Variants in TRAK1 observed in about 807,000 individuals in gnomAD.
TRAK1 encodes the protein trafficking kinesin-binding protein 1.
TRAK1 carries 33 observed loss-of-function variants against 92.1 expected under a neutral mutation model. The ratio of observed to expected loss-of-function variants is 0.36; its 90% CI spans 0.27 to 0.48. TRAK1 has a LOEUF of 0.48. TRAK1 is among the 20% of genes least tolerant of loss of function. The probability of loss-of-function intolerance (pLI) is 0.99; values close to 1 mark genes in which losing one functional copy is unlikely to be tolerated. For synonymous variants in TRAK1, 521 were observed against 517.3 expected, an observed-to-expected ratio of 1.01 and a Z score of -0.10; for missense variants, 1,123 against 1,257.9, an observed-to-expected ratio of 0.89 and a Z score of 1.62.
rs993855510 is a variant in TRAK1 at position 42,211,639 on chromosome 3, G to A, written c.1963+1654G>A. The A allele has an allele frequency of 1.1e-4, 112 of 985,260 alleles. 1 individual carries two copies. The highest frequency in any genetic ancestry group is 1.2e-4 in the Non-Finnish European group (103 of 829,932). The allele number at this position is 985,260 out of a possible 1,614,324, so 61.0% of individuals were successfully genotyped here. ...AGAAGGTGAGTTCTGGAAGTGCAAA[G>A]AAGCACCATTAAGTGCATCTTCTAG... On this transcript the variant is annotated intron_variant, in intron 14 of 15. Coordinates refer to ENST00000327628, the MANE Select transcript of TRAK1 (RefSeq NM_001042646.3).
chr3:42,062,776 T>C (rs1703503914), intron 1 of TRAK1, among the ~76,000 whole-genome samples: 1 of 152,232 alleles, frequency 6.6e-6, no homozygotes. Flanking sequence ...GTCTTCACTT[T>C]GTTGGAAAAC....
intron 1 of TRAK1, among the ~76,000 whole-genome samples, chr3:42,103,425 T>C (rs1018664677): frequency 6.6e-6 from 1 of 152,164 alleles, no homozygotes; most frequent in Admixed American, 6.5e-5. Flanking sequence ...TCTGCTTGCC[T>C]CAGTCTCCCA....
At chr3:42,090,074 A>T (rs1368800346), upstream of TRAK1, among the ~76,000 whole-genome samples, 1 of 152,216 alleles carries the variant, frequency 6.6e-6, no homozygotes, top group Non-Finnish European at 1.5e-5. Flanking sequence ...CTAAGAATTT[A>T]GTCTAGTTGG....
chr3:42,065,478 G>A (rs1703637637), intron 1 of TRAK1, among the ~76,000 whole-genome samples: 1 of 152,006 alleles, frequency 6.6e-6, no homozygotes, highest in Non-Finnish European at 1.5e-5. Flanking sequence ...GGATTTTGGA[G>A]CATTTTGGGT....
At chr3:42,101,785 A>G (rs1013384691) in intron 1 of TRAK1, among the ~76,000 whole-genome samples, 2 of 152,168 alleles carry the variant, frequency 1.3e-5, no homozygotes, top group Non-Finnish European at 2.9e-5. Flanking sequence ...ACCTTCAAGG[A>G]ATGACCTCTG....
At chr3:42,169,241 T>G (rs1240415108) in intron 2 of TRAK1, among the ~76,000 whole-genome samples, 3 of 152,080 alleles carry the variant, frequency 2.0e-5, no homozygotes, top group African/African-American at 7.2e-5. Flanking sequence ...TTTCGTGTGT[T>G]TTTTTTTCTG....
intron 1 of TRAK1, among the ~76,000 whole-genome samples, chr3:42,050,813 G>A (rs1454919126): frequency 1.3e-5 from 2 of 151,808 alleles, no homozygotes; most frequent in African/African-American, 2.4e-5. Flanking sequence ...CTGTGCCACC[G>A]CGCCCAGCTA....
intron 1 of TRAK1, among the ~76,000 whole-genome samples, chr3:42,042,123 C>T (rs900380924): frequency 3.3e-5 from 5 of 151,990 alleles, no homozygotes; most frequent in Non-Finnish European, 5.9e-5. Flanking sequence ...GACGGGGTTT[C>T]GCCATGTTGG....
At chr3:42,093,269 G>A (rs1423047244) in intron 1 of TRAK1, among the ~76,000 whole-genome samples, 1 of 151,580 alleles carries the variant, frequency 6.6e-6, no homozygotes, top group East Asian at 1.9e-4. Flanking sequence ...TGTTTTTGCA[G>A]ATGGAATGCA....
At chr3:42,172,071 T>C (rs537570601) in intron 2 of TRAK1, among the ~76,000 whole-genome samples, 2 of 152,268 alleles carry the variant, frequency 1.3e-5, no homozygotes, top group Admixed American at 6.5e-5. Flanking sequence ...TCGTAATTCC[T>C]TACTTTACTT....
chr3:42,120,921 C>G (rs1369082112), intron 1 of TRAK1, among the ~76,000 whole-genome samples: 1 of 152,190 alleles, frequency 6.6e-6, no homozygotes, highest in African/African-American at 2.4e-5. Flanking sequence ...TTTTACATGC[C>G]TACCACAAGT....
intron 1 of TRAK1, among the ~76,000 whole-genome samples, chr3:42,059,730 G>A (rs539549790): frequency 6.6e-6 from 1 of 152,336 alleles, no homozygotes; most frequent in South Asian, 2.1e-4. Context: ...TCTACAGAGA[G>A]ACAGCTAGCT....
rs777735141 is a variant in TRAK1 at position 42,184,691 on chromosome 3, C to T, written c.370C>T (p.Arg124Trp). The change falls in exon 4 of 16, where the codon CGG becomes TGG. Residue 124 changes from arginine (R) to tryptophan (W), a missense_variant. Physicochemically the swap from Arg to Trp is moderately radical, Grantham distance 101. Around this residue, in one of 3 missense-constraint regions of TRAK1, gnomAD observed 686 missense variants for 747.6 expected, o/e 0.92. Coordinates refer to ENST00000327628, the MANE Select transcript of TRAK1 (RefSeq NM_001042646.3). ...AVTRLLEEKE[R>W]DLELAARIGQ... ...TCCCTCTTTCCTTTTGTAGAAAGAG[C>T]GGGATTTAGAATTGGCCGCTCGCAT... 10 of 1,613,544 alleles carry T rather than the reference C, an allele frequency of 6.2e-6. No individual in the cohort carries two copies. The highest frequency in any genetic ancestry group is 4.5e-5 in the East Asian group (2 of 44,892).
intron 1 of TRAK1, among the ~76,000 whole-genome samples, chr3:42,015,441 G>A (rs1701481348): frequency 6.6e-6 from 1 of 152,070 alleles, no homozygotes; most frequent in African/African-American, 2.4e-5. Flanking sequence ...CTCTGGCTGT[G>A]TTGCTTCTCC....
At chr3:42,160,433 AACCCACAGGCAGCATGACACCCAGG>A (rs1418530567) in intron 2 of TRAK1, 2 of 1,614,238 alleles carry the variant, frequency 1.2e-6, no homozygotes, top group Admixed American at 1.7e-5. Context: ...AGAGGAAGCC[AACCCACAGGCAGCATGACACCCAGG>A]ACCTCTTGGA....
chr3:42,158,385 G>C (rs541772519), intron 2 of TRAK1, among the ~76,000 whole-genome samples: 1 of 151,976 alleles, frequency 6.6e-6, no homozygotes, highest in African/African-American at 2.4e-5. Context: ...CCTTCTCAGG[G>C]GTTCAGAATA....
At chr3:42,186,748 C>A (rs1704913735) in intron 4 of TRAK1, among the ~76,000 whole-genome samples, 1 of 152,138 alleles carries the variant, frequency 6.6e-6, no homozygotes, top group African/African-American at 2.4e-5. Flanking sequence ...GTGGAAATGC[C>A]TTTTTTCCCC....
At chr3:42,088,362 G>A (rs1430337071), upstream of TRAK1, among the ~76,000 whole-genome samples, 3 of 152,084 alleles carry the variant, frequency 2.0e-5, no homozygotes, top group East Asian at 5.8e-4. Flanking sequence ...CTCCCTTTTT[G>A]TTAAGTGGCC....
intron 2 of TRAK1, among the ~76,000 whole-genome samples, chr3:42,153,380 G>C (rs1179294747): frequency 6.6e-6 from 1 of 152,142 alleles, no homozygotes; most frequent in Non-Finnish European, 1.5e-5. Flanking sequence ...CTGGGCGACA[G>C]AGTGAGATCC....
Sources: allele counts gnomAD v4.1 joint callset (sites outside exome capture counted in the v4.1 genomes callset), GRCh38; gene constraint gnomAD v4.1.1; regional missense constraint gnomAD v4.1.1; transcripts MANE v1.5; gene names NCBI Gene and HGNC (gene_info 2026-07-23, HGNC 2026-07-21).